POLH: variants seen among roughly 807,000 people sequenced by gnomAD.
The protein encoded by POLH is DNA polymerase eta.
A neutral mutation model predicts 73.6 loss-of-function variants in POLH; 53 were observed. The observed-to-expected ratio is 0.72, with a 90% CI of 0.58 to 0.91. The LOEUF (loss-of-function observed/expected upper bound fraction) is 0.91. Among genes scored for constraint, POLH ranks in the 40% least tolerant of loss-of-function variants. POLH has a pLI of 0.00. For missense variants in POLH, 768 were observed against 865.4 expected, an observed-to-expected ratio of 0.89 and a Z score of 1.41; for synonymous variants, 292 against 308.5, an observed-to-expected ratio of 0.95 and a Z score of 0.56.
intron 1 of POLH, among the ~76,000 whole-genome samples, chr6:43,581,020 G>C: frequency 6.8e-6 from 1 of 147,332 alleles, no homozygotes; most frequent in African/African-American, 2.5e-5. Context: ...TCCCGGACGG[G>C]GTGGCTGCCG....
chr6:43,619,174 C>G lies in POLH; in HGVS notation c.*4617C>G, dbSNP rs920796185. 1.3e-5 allele frequency among the ~76,000 whole-genome samples: 2 copies of G among 151,818 alleles called. No homozygotes were observed. Among genetic ancestry groups the G allele is most frequent in the African/African-American group, 4.8e-5 (2 of 41,344 alleles). On this transcript the variant is annotated 3_prime_UTR_variant, in exon 11 of 11. Transcript: ENST00000372236. Reference sequence around the variant, plus strand: ...GGTGGACTACTGGAGCCCTGGAGTTCAAAACCGGCCTAAGCCACATGGCAA... The same window carrying G: ...GGTGGACTACTGGAGCCCTGGAGTTGAAAACCGGCCTAAGCCACATGGCAA...
At chr6:43,580,134 G>A (rs1308628162) in intron 1 of POLH, among the ~76,000 whole-genome samples, 7 of 148,976 alleles carry the variant, frequency 4.7e-5, no homozygotes, top group Admixed American at 1.3e-4. Context: ...CTGCCTTCAA[G>A]CATCTGTTTA....
intron 2 of POLH, 34 bp from the exon 3 acceptor site, chr6:43,582,971 AAT>A (rs1561897505): frequency 1.3e-6 from 2 of 1,583,392 alleles, no homozygotes; most frequent in Non-Finnish European, 1.7e-6. Context: ...GTGATCATAT[AAT>A]ATGTTTTCTG....
chr6:43,600,305 C>T (rs999822940), intron 5 of POLH, among the ~76,000 whole-genome samples: 5 of 151,902 alleles, frequency 3.3e-5, no homozygotes, highest in Non-Finnish European at 7.4e-5. Flanking sequence ...GTAGTCCCAG[C>T]TACTTGGAAG....
intron 9 of POLH, 36 bp from the exon 10 acceptor site, chr6:43,610,518 A>G (rs1398558114): frequency 6.3e-7 from 1 of 1,590,792 alleles, no homozygotes; most frequent in Non-Finnish European, 8.6e-7. Flanking sequence ...TGCTCCTCAT[A>G]ACTTTATTTC....
chr6:43,581,830 C>T (rs1408716484), intron 1 of POLH, among the ~76,000 whole-genome samples: 17 of 150,968 alleles, frequency 1.1e-4, no homozygotes, highest in Admixed American at 3.3e-4. Flanking sequence ...CATGGCCGGA[C>T]GGGCTCCCTA....
intron 1 of POLH, among the ~76,000 whole-genome samples, chr6:43,581,178 G>A (rs1247259648): frequency 1.3e-5 from 2 of 149,976 alleles, no homozygotes; most frequent in Non-Finnish European, 3.0e-5. Flanking sequence ...CTTCTCAGAC[G>A]GGGCAGCCGG....
At chr6:43,611,576 A>G (rs1387310710) in intron 10 of POLH, among the ~76,000 whole-genome samples, 1 of 152,166 alleles carries the variant, frequency 6.6e-6, no homozygotes, top group Admixed American at 6.5e-5. Context: ...TACTTTTTTT[A>G]AAGTATTCCA....
At chr6:43,598,687 A>G (rs969686748) in intron 5 of POLH, among the ~76,000 whole-genome samples, 1 of 152,044 alleles carries the variant, frequency 6.6e-6, no homozygotes, top group Admixed American at 6.6e-5. Context: ...AGAACAATTT[A>G]TATAGCATTT....
chr6:43,587,643 A>G (rs1022903154), intron 4 of POLH, among the ~76,000 whole-genome samples, 154 bp downstream of exon 4: 1 of 152,232 alleles, frequency 6.6e-6, no homozygotes, highest in African/African-American at 2.4e-5. Flanking sequence ...AAATTTTCTT[A>G]TCTTTCCAGG....
At chr6:43,598,986 T>G (rs1766427447) in intron 5 of POLH, among the ~76,000 whole-genome samples, 1 of 145,204 alleles carries the variant, frequency 6.9e-6, no homozygotes, top group Admixed American at 6.8e-5. Context: ...TGCTGAATTT[T>G]TTTTTTTTTT....
At chr6:43,586,754 C>T (rs1053085229) in intron 3 of POLH, among the ~76,000 whole-genome samples, 4 of 152,224 alleles carry the variant, frequency 2.6e-5, no homozygotes, top group East Asian at 1.9e-4. Flanking sequence ...CCAAACTCAC[C>T]GTTGACTGAA....
intron 1 of POLH, 55 bp from the exon 2 acceptor site, chr6:43,582,261 C>T: frequency 6.5e-7 from 1 of 1,532,210 alleles, no homozygotes; most frequent in Non-Finnish European, 9.0e-7. Flanking sequence ...TACAGTTTTC[C>T]CTGGCATTTT....
intron 9 of POLH, among the ~76,000 whole-genome samples, chr6:43,608,121 G>A (rs1767497555): frequency 6.6e-6 from 1 of 152,052 alleles, no homozygotes; most frequent in Non-Finnish European, 1.5e-5. Flanking sequence ...CAAGAGCAAA[G>A]CTCCACCTCA....
intron 10 of POLH, among the ~76,000 whole-genome samples, chr6:43,612,072 CAAATAAAT>C (rs914385955): frequency 5.9e-5 from 9 of 151,904 alleles, no homozygotes; most frequent in East Asian, 1.9e-4. Context: ...ACAACAACAA[CAAATAAAT>C]AAATAAATAA....
intron 3 of POLH, among the ~76,000 whole-genome samples, chr6:43,584,855 G>C (rs1279879234): frequency 6.6e-6 from 1 of 152,118 alleles, no homozygotes; most frequent in Non-Finnish European, 1.5e-5. Context: ...GAAGGATACA[G>C]ATAGGTTGGG....
In POLH at chr6:43,613,045, G is replaced by A. The variant is rs577799034; in HGVS notation, c.1245-615G>A. Among the ~76,000 whole-genome samples, 17 of 151,388 alleles carry A rather than the reference G, an allele frequency of 1.1e-4. No individual in the cohort carries two copies. The South Asian group carries it at 3.6e-3, about 32-fold the overall frequency. ...ATACTCCTGACCTCATGACCCACCC[G>A]CCTTAGCCTCCCAAAGTGCTGGGAT... On this transcript the variant is annotated intron_variant, in intron 10 of 10. Coordinates refer to ENST00000372236, the MANE Select transcript of POLH (RefSeq NM_006502.3).
chr6:43,596,142 C>A (rs965268732), intron 4 of POLH, among the ~76,000 whole-genome samples: 3 of 152,074 alleles, frequency 2.0e-5, no homozygotes, highest in African/African-American at 7.2e-5. Flanking sequence ...TTGCCATAAG[C>A]CCTAAAGTAT....
chr6:43,578,245 G>A (rs1325519519), intron 1 of POLH, among the ~76,000 whole-genome samples: 1 of 152,110 alleles, frequency 6.6e-6, no homozygotes, highest in Non-Finnish European at 1.5e-5. Context: ...AAATTAGCCG[G>A]GCGTGGTGGC....
Sources: gnomAD v4.1 joint callset for allele counts (sites outside exome capture counted in the v4.1 genomes callset) on GRCh38, gnomAD v4.1.1 for gene constraint, MANE v1.5 for transcripts, NCBI Gene and HGNC (gene_info 2026-07-23, HGNC 2026-07-21) for gene names.